RSRP1: variants seen among roughly 807,000 people sequenced by gnomAD.
RSRP1 encodes the protein arginine/serine-rich protein 1.
In RSRP1, 37 loss-of-function variants were observed where a neutral mutation model predicts 33.0. The ratio of observed to expected loss-of-function variants is 1.12; its 90% CI spans 0.86 to 1.48. The LOEUF is 1.48. RSRP1 is among the 40% of genes most tolerant of loss of function. The probability of loss-of-function intolerance (pLI) is 0.00; values close to 1 mark genes in which losing one functional copy is unlikely to be tolerated. For synonymous variants in RSRP1, 167 were observed against 158.7 expected, an observed-to-expected ratio of 1.05 and a Z score of -0.40; for missense variants, 402 against 385.3, an observed-to-expected ratio of 1.04 and a Z score of -0.36.
chr1:25,246,174 A>G lies in RSRP1; in HGVS notation c.520+270T>C, dbSNP rs546849895. Reference sequence around the variant, plus strand: ...AACTTAGAACCTTTAACTTAATCATAACATTTAAAAGGCTCCACCCACTAA... The same window carrying G: ...AACTTAGAACCTTTAACTTAATCATGACATTTAAAAGGCTCCACCCACTAA... On this transcript the variant is annotated intron_variant, in intron 2 of 4. Transcript: ENST00000243189. Among the ~76,000 whole-genome samples the G allele has an allele frequency of 6.4e-4, 98 of 152,356 alleles. 1 individual carries two copies. Among genetic ancestry groups the G allele is most frequent in the African/African-American group, 2.2e-3 (92 of 41,586 alleles).
chr1:25,250,618 T>G (rs1639746219), upstream of RSRP1, among the ~76,000 whole-genome samples: 1 of 152,260 alleles, frequency 6.6e-6, no homozygotes, highest in Non-Finnish European at 1.5e-5. Context: ...GTTAAGGATC[T>G]GGAGATGAGA....
intron 1 of RSRP1, among the ~76,000 whole-genome samples, chr1:25,322,554 T>C (rs1426204834): frequency 7.6e-6 from 1 of 132,286 alleles, no homozygotes; most frequent in African/African-American, 2.6e-5. Flanking sequence ...ATGCCTGTAA[T>C]CCCAGTTACT....
intron 1 of RSRP1, chr1:25,318,311 G>C (rs1644515449): frequency 7.6e-6 from 1 of 132,156 alleles, no homozygotes; most frequent in Admixed American, 7.4e-5. Context: ...ATTCAGGCCA[G>C]GTGCAGTGGC....
At chr1:25,331,437 A>G (rs1645004197) in intron 1 of RSRP1, among the ~76,000 whole-genome samples, 1 of 132,704 alleles carries the variant, frequency 7.5e-6, no homozygotes, top group Non-Finnish European at 1.8e-5. Context: ...AAATAGCAGT[A>G]GTCATTAATG....
intron 1 of RSRP1, among the ~76,000 whole-genome samples, chr1:25,271,691 C>A (rs1640524717): frequency 7.6e-6 from 1 of 132,112 alleles, no homozygotes; most frequent in Non-Finnish European, 1.8e-5. Context: ...TCCCAAGCCC[C>A]CTAAAGCTCA....
intron 1 of RSRP1, among the ~76,000 whole-genome samples, chr1:25,258,902 C>A (rs1640033938): frequency 1.3e-5 from 2 of 152,122 alleles, no homozygotes; most frequent in African/African-American, 4.8e-5. Context: ...CGCGCAGGCA[C>A]TGGAGTCAGA....
intron 1 of RSRP1, chr1:25,272,365 C>A (rs1275049125): frequency 1.3e-5 from 10 of 781,154 alleles, no homozygotes; most frequent in African/African-American, 3.4e-5. Context: ...TCCTCCCCTC[C>A]CCATCATAGT....
chr1:25,243,689 C>T, intron 3 of RSRP1, 56 bp from the exon 4 acceptor site: 1 of 1,592,910 alleles, frequency 6.3e-7, no homozygotes, highest in South Asian at 1.1e-5. Context: ...GTTTCTAAAT[C>T]CTATATTAAA....
rs561900463 is a variant in RSRP1 at position 25,261,815 on chromosome 1, G to A, written c.-66-14786C>T. On this transcript the variant is annotated intron_variant, in intron 1 of 1. Transcript: ENST00000561867. ...CAACCTCTGTCTACCATGTTCAAGC[G>A]ATTCTCCCACCTCTGCCTCCCGTGT... 4.4e-3 allele frequency among the ~76,000 whole-genome samples: 643 copies of A among 147,216 alleles called. 3 individuals carry two copies. The highest frequency in any genetic ancestry group is 0.016 in the African/African-American group (614 of 39,508).
intron 1 of RSRP1, among the ~76,000 whole-genome samples, chr1:25,277,416 T>G (rs1641104163): frequency 7.5e-6 from 1 of 133,306 alleles, no homozygotes; most frequent in Admixed American, 7.2e-5. Context: ...CCAGACCTAC[T>G]GATCAGAAGC....
At position 25,272,734 on chromosome 1, in the gene RSRP1, G is replaced by T. The variant is rs370565231; in HGVS notation, c.-66-25705C>A. ...GGAAAAGTGGTCACAGGAGCAAATA[G>T]CAGGGGCAGGGGCGGGGGAGGCCTG... On this transcript the variant is annotated intron_variant, in intron 1 of 1. Transcript: ENST00000561867. 5.1e-6 allele frequency: 7 copies of T among 1,376,500 alleles called. 1 individual carries two copies. The African/African-American group carries it at 8.4e-5, about 17-fold the overall frequency. The allele number at this position is 1,376,500 out of a possible 1,614,324, so 85.3% of individuals were successfully genotyped here.
chr1:25,248,393 G>C (rs1639643205), upstream of RSRP1: 1 of 148,652 alleles, frequency 6.7e-6, no homozygotes, highest in Non-Finnish European at 1.5e-5. Flanking sequence ...CACTCGCCCA[G>C]GCTGGAGTGT....
chr1:25,322,118 A>G lies in RSRP1; in HGVS notation c.-67+15860T>C, dbSNP rs1270611581. 3.0e-5 allele frequency among the ~76,000 whole-genome samples: 4 copies of G among 131,584 alleles called. 2 individuals carry two copies. Among genetic ancestry groups the G allele is most frequent in the Non-Finnish European group, 7.2e-5 (4 of 55,632 alleles). 86.3% of individuals were successfully genotyped at this position (131,584 alleles called of 152,430 possible). ...GAACTAGAGGAGAAACAAATCCATG[A>G]TATGCATGTGTGTGGGGGAGGGTGG... On this transcript the variant is annotated intron_variant, in intron 1 of 1. Coordinates refer to the RSRP1 transcript ENST00000561867.
chr1:25,264,014 C>T (rs901990410), intron 1 of RSRP1, among the ~76,000 whole-genome samples: 23 of 152,220 alleles, frequency 1.5e-4, no homozygotes, highest in Middle Eastern at 3.4e-3. Flanking sequence ...ATCCAGGTCA[C>T]GCAGATGGAA....
rs186550697 is a variant in RSRP1, at chr1:25,302,780, G to A, written c.-67+35198C>T. ...ATTCATGTTCTATGCCAGACACTGG[G>A]CTAAGAGCTTTATATGTGGAAACTC... On this transcript the variant is annotated intron_variant, in intron 1 of 1. Coordinates refer to the RSRP1 transcript ENST00000561867. Among the ~76,000 whole-genome samples, 15 of 130,818 alleles carry A rather than the reference G, an allele frequency of 1.1e-4. 4 individuals carry two copies. Among genetic ancestry groups the A allele is most frequent in the Non-Finnish European group, 2.2e-4 (12 of 55,462 alleles). 85.8% of individuals were successfully genotyped at this position (130,818 alleles called of 152,430 possible). A position where few individuals can be genotyped will look rare whatever the true frequency, so the allele number is the denominator to read the frequency against.
intron 1 of RSRP1, among the ~76,000 whole-genome samples, chr1:25,261,562 G>A (rs376055317): frequency 1.2e-3 from 188 of 151,596 alleles, no homozygotes; most frequent in Middle Eastern, 0.01. Flanking sequence ...CCGCCACCCT[G>A]CCCAGCTAAT....
Position 25,275,909 on chromosome 1 carries a change from T to C in RSRP1, c.-66-28880A>G, listed in dbSNP as rs1357529689. ...ACTCTGCCTTTTCCCTTTTGTTCAC[T>C]TGACTGCCATTATTTCTATGCTTCC... is the stretch of plus-strand genomic sequence containing the variant. On this transcript the variant is annotated intron_variant, in intron 1 of 1. Transcript: ENST00000561867. 4.5e-5 allele frequency among the ~76,000 whole-genome samples: 6 copies of C among 132,800 alleles called. 1 individual carries two copies. Among genetic ancestry groups the C allele is most frequent in the African/African-American group, 1.5e-4 (6 of 38,982 alleles). 87.1% of individuals were successfully genotyped at this position (132,800 alleles called of 152,430 possible).
rs1642656061 is a variant in RSRP1, at chr1:25,293,159, G to C, written c.-67+44819C>G. Among the ~76,000 whole-genome samples the C allele has an allele frequency of 1.5e-5, 2 of 131,438 alleles. 1 individual carries two copies. Among genetic ancestry groups the C allele is most frequent in the African/African-American group, 5.3e-5 (2 of 37,928 alleles). The allele number at this position is 131,438 out of a possible 152,430, so 86.2% of individuals were successfully genotyped here. On this transcript the variant is annotated intron_variant, in intron 1 of 1. Coordinates refer to the RSRP1 transcript ENST00000561867. ...AAAGTGGAGACAGCATGCAGGGGCA[G>C]CTCTGCCAAGGACTTTGCTATAAAG...
intron 1 of RSRP1, among the ~76,000 whole-genome samples, chr1:25,311,580 G>T (rs1223337550): frequency 6.9e-5 from 9 of 129,918 alleles, no homozygotes; most frequent in African/African-American, 2.4e-4. Context: ...AAAGCCAGAG[G>T]CTGTTCATCA....
Sources: allele counts gnomAD v4.1 joint callset (sites outside exome capture counted in the v4.1 genomes callset), GRCh38; gene constraint gnomAD v4.1.1; transcripts MANE v1.5; gene names NCBI Gene and HGNC (gene_info 2026-07-23, HGNC 2026-07-21).